Variants in STK3 observed in about 807,000 individuals in gnomAD.
The protein encoded by STK3 is serine/threonine-protein kinase 3.
STK3 carries 41 observed loss-of-function variants against 58.0 expected under a neutral mutation model. The observed-to-expected ratio is 0.71, with a 90% confidence interval of 0.55 to 0.92. The LOEUF (loss-of-function observed/expected upper bound fraction) is 0.92, where lower values mean the gene tolerates loss of function less well. Ranked by LOEUF, STK3 falls within the 40% of genes least tolerant of loss-of-function variation. The probability of loss-of-function intolerance (pLI) is 0.00; values close to 1 mark genes in which losing one functional copy is unlikely to be tolerated. For synonymous variants in STK3, 170 were observed against 191.0 expected, an observed-to-expected ratio of 0.89 and a Z score of 0.91; for missense variants, 479 against 602.7, an observed-to-expected ratio of 0.79 and a Z score of 2.15.
Position 98,455,968 on chromosome 8 carries a change from C to T in STK3, c.1350G>A (p.Met450Ile). The change falls in exon 11 of 11, where the codon ATG becomes ATA. Residue 450 changes from methionine (M) to isoleucine (I), a missense_variant. Transcript: ENST00000419617. Reference protein sequence around the residue: ...LKNLSLEELQMRLKALDPMME... With the variant: ...LKNLSLEELQIRLKALDPMME... ...TCATGGGGTCCAGTGCTTTTAACCG[C>T]ATCTGTAGTTCTTCTAAACTTAGAT... 1 of 1,612,082 alleles carries T rather than the reference C, an allele frequency of 6.2e-7. No homozygotes were observed. The highest frequency in any genetic ancestry group is 1.1e-5 in the South Asian group (1 of 90,572).
At chr8:98,588,719 T>C (rs1814928609) in intron 7 of STK3, among the ~76,000 whole-genome samples, 1 of 151,176 alleles carries the variant, frequency 6.6e-6, no homozygotes, top group African/African-American at 2.4e-5. Flanking sequence ...ATTCTCCCCA[T>C]CACTTTCAGG....
At chr8:98,525,231 G>A (rs1257511983) in intron 10 of STK3, among the ~76,000 whole-genome samples, 1 of 152,094 alleles carries the variant, frequency 6.6e-6, no homozygotes, top group Non-Finnish European at 1.5e-5. Context: ...GTGTACACAC[G>A]GACACAGAGT....
intron 3 of STK3, among the ~76,000 whole-genome samples, chr8:98,872,955 T>G (rs1837432903): frequency 6.6e-6 from 1 of 152,248 alleles, no homozygotes; most frequent in African/African-American, 2.4e-5. Context: ...AGATCTTTCC[T>G]GCTTTCTCTT....
intron 4 of STK3, among the ~76,000 whole-genome samples, chr8:98,740,291 G>C (rs1184131546): frequency 2.0e-5 from 3 of 152,042 alleles, no homozygotes; most frequent in African/African-American, 7.3e-5. Context: ...ACACATAATT[G>C]TCAGATTCAC....
chr8:98,381,971 A>G (rs1817736528), intron 1 of STK3, among the ~76,000 whole-genome samples: 1 of 152,208 alleles, frequency 6.6e-6, no homozygotes, highest in Non-Finnish European at 1.5e-5. Flanking sequence ...AATATTATTT[A>G]TCTTGAGTGT....
chr8:98,590,408 C>T (rs1213276919), intron 7 of STK3, among the ~76,000 whole-genome samples: 1 of 152,174 alleles, frequency 6.6e-6, no homozygotes, highest in African/African-American at 2.4e-5. Flanking sequence ...TCTTCAGCCG[C>T]TAAGCCGAGA....
the STK3 span, among the ~76,000 whole-genome samples, chr8:98,358,114 G>C: frequency 3.9e-5 from 6 of 152,154 alleles, no homozygotes; most frequent in Non-Finnish European, 7.3e-5. Flanking sequence ...AGGATTTTTC[G>C]CCTCACACAA....
At chr8:98,878,472 TC>T (rs1285405672) in intron 3 of STK3, among the ~76,000 whole-genome samples, 1 of 152,222 alleles carries the variant, frequency 6.6e-6, no homozygotes, top group Non-Finnish European at 1.5e-5. Flanking sequence ...CCTGACTCAT[TC>T]TGATTACCTA....
intron 10 of STK3, among the ~76,000 whole-genome samples, chr8:98,465,451 A>C (rs147495476): frequency 3.0e-4 from 46 of 152,282 alleles, no homozygotes; most frequent in African/African-American, 1.1e-3. Flanking sequence ...TTCCTGTCAG[A>C]TTGTACCTGG....
intron 9 of STK3, among the ~76,000 whole-genome samples, chr8:98,530,050 C>G (rs1230313581): frequency 6.6e-6 from 1 of 152,206 alleles, no homozygotes; most frequent in East Asian, 1.9e-4. Context: ...TTCCAGACCA[C>G]TGCAATAATG....
intron 7 of STK3, 79 bp from the exon 8 acceptor site, chr8:98,579,868 A>C: frequency 5.5e-6 from 7 of 1,265,756 alleles, no homozygotes; most frequent in Non-Finnish European, 7.4e-6. Context: ...ACAACATGTA[A>C]ATGTTAACCA....
chr8:98,729,971 T>C (rs188839155), intron 4 of STK3, among the ~76,000 whole-genome samples: 2 of 152,308 alleles, frequency 1.3e-5, no homozygotes, highest in East Asian at 3.9e-4. Context: ...AAATGGGTCA[T>C]TAATAGTTCT....
At chr8:98,620,960 C>T (rs982309855) in intron 6 of STK3, among the ~76,000 whole-genome samples, 32 of 137,186 alleles carry the variant, frequency 2.3e-4, no homozygotes, top group African/African-American at 7.4e-4. Flanking sequence ...GACGGAGTCT[C>T]GCTCTGTCGC....
chr8:98,713,498 C>A (rs971225318), intron 4 of STK3, among the ~76,000 whole-genome samples: 1 of 152,146 alleles, frequency 6.6e-6, no homozygotes, highest in African/African-American at 2.4e-5. Flanking sequence ...ACTATAAACA[C>A]CTCTACGCAA....
At chr8:98,778,717 C>A (rs1424494516) in intron 1 of STK3, among the ~76,000 whole-genome samples, 3 of 152,192 alleles carry the variant, frequency 2.0e-5, no homozygotes, top group East Asian at 3.9e-4. Flanking sequence ...ATGATGAGTT[C>A]ATGTCCTTTG....
At chr8:98,732,559 A>G (rs568367289) in intron 4 of STK3, among the ~76,000 whole-genome samples, 2 of 152,356 alleles carry the variant, frequency 1.3e-5, no homozygotes, top group South Asian at 2.1e-4. Context: ...AAAGGCTCAA[A>G]TAATAATTGA....
intron 1 of STK3, among the ~76,000 whole-genome samples, chr8:98,907,622 C>A (rs1343121505): frequency 2.0e-5 from 3 of 152,180 alleles, no homozygotes; most frequent in African/African-American, 4.8e-5. Flanking sequence ...AAGCAAATCC[C>A]AGATATCTTA....
rs576525385 is a variant in STK3, at chr8:98,692,559, T to A, written c.684+13908A>T. ...AAGTAGAATACTGGTTGCGAGGGGT[T>A]GGAGCAAGAGGATATGGAGAATTAT... On this transcript the variant is annotated intron_variant, in intron 6 of 10. Transcript: ENST00000419617. Among the ~76,000 whole-genome samples the A allele has an allele frequency of 2.6e-5, 4 of 152,230 alleles. No homozygotes were observed. In the East Asian group the frequency reaches 5.8e-4, roughly 22 times the overall value.
At chr8:98,862,377 C>G (rs1343779467) in intron 3 of STK3, among the ~76,000 whole-genome samples, 1 of 152,166 alleles carries the variant, frequency 6.6e-6, no homozygotes, top group African/African-American at 2.4e-5. Context: ...TAAGAACTAG[C>G]AACCCCACTT....
Sources: allele counts gnomAD v4.1 joint callset (sites outside exome capture counted in the v4.1 genomes callset), GRCh38; gene constraint gnomAD v4.1.1; transcripts MANE v1.5; gene names NCBI Gene and HGNC (gene_info 2026-07-23, HGNC 2026-07-21).